The following MAGI2 variants were observed in gnomAD, a reference collection of about 807,000 sequenced individuals.
MAGI2 encodes membrane associated guanylate kinase, WW and PDZ domain containing 2, also known as membrane-associated guanylate kinase, WW and PDZ domain-containing protein 2.
In MAGI2, 35 loss-of-function variants were observed where a neutral mutation model predicts 133.3. The ratio of observed to expected loss-of-function variants is 0.26; its 90% confidence interval spans 0.20 to 0.35. The LOEUF is 0.35. Among genes scored for constraint, MAGI2 ranks in the 10% least tolerant of loss-of-function variants. The probability of loss-of-function intolerance (pLI) is 1.00; values close to 1 mark genes in which losing one functional copy is unlikely to be tolerated. For synonymous variants in MAGI2, 729 were observed against 710.6 expected, an observed-to-expected ratio of 1.03 and a Z score of -0.41; for missense variants, 1,636 against 1,863.4, an observed-to-expected ratio of 0.88 and a Z score of 2.25.
At chr7:78,957,390 A>G (rs1229738749) in intron 2 of MAGI2, among the ~76,000 whole-genome samples, 1 of 152,002 alleles carries the variant, frequency 6.6e-6, no homozygotes, top group Non-Finnish European at 1.5e-5. Context: ...TTTGGTTTGA[A>G]CTGAGCTTCT....
At chr7:78,903,535 T>G (rs1019810024) in intron 2 of MAGI2, among the ~76,000 whole-genome samples, 16 of 152,106 alleles carry the variant, frequency 1.1e-4, no homozygotes, top group Non-Finnish European at 1.6e-4. Flanking sequence ...GAAGGTACAT[T>G]TCCCACAATC....
chr7:78,857,166 G>A (rs544845497), intron 2 of MAGI2, among the ~76,000 whole-genome samples: 30 of 152,292 alleles, frequency 2.0e-4, no homozygotes, highest in Non-Finnish European at 2.9e-4. Context: ...AGACAATGGG[G>A]TTTTCTAAAT....
intron 1 of MAGI2, among the ~76,000 whole-genome samples, chr7:79,314,984 A>T (rs1318046961): frequency 6.6e-6 from 1 of 152,138 alleles, no homozygotes; most frequent in Middle Eastern, 3.2e-3. Flanking sequence ...CAATCCCTGG[A>T]CTGCTCTCTT....
intron 2 of MAGI2, among the ~76,000 whole-genome samples, chr7:78,863,592 G>A (rs1373798021): frequency 1.3e-5 from 2 of 152,210 alleles, no homozygotes; most frequent in African/African-American, 4.8e-5. Context: ...ACCTTGTGCA[G>A]TGGGGACCAA....
Position 78,030,992 on chromosome 7 carries a change from T to C in MAGI2, c.3707-11016A>G, listed in dbSNP as rs188166415. 2.6e-5 allele frequency among the ~76,000 whole-genome samples: 4 copies of C among 152,308 alleles called. No individual in the cohort carries two copies. In the East Asian group the frequency reaches 5.8e-4, roughly 22 times the overall value. On this transcript the variant is annotated intron_variant, in intron 21 of 21. Transcript: ENST00000354212. Reference sequence around the variant, plus strand: ...ACCAAAATGTCCATCAACTGGTGAATGGATAAGCACTCTGTGGTACAATGG... The same window carrying C: ...ACCAAAATGTCCATCAACTGGTGAACGGATAAGCACTCTGTGGTACAATGG...
chr7:79,266,358 G>A (rs1834457241), intron 1 of MAGI2, among the ~76,000 whole-genome samples: 1 of 151,520 alleles, frequency 6.6e-6, no homozygotes, highest in Admixed American at 6.6e-5. Context: ...TTTATCATGA[G>A]CTAAAGATAC....
At chr7:79,176,758 G>A (rs952462335) in intron 1 of MAGI2, among the ~76,000 whole-genome samples, 2 of 151,834 alleles carry the variant, frequency 1.3e-5, no homozygotes, top group African/African-American at 2.4e-5. Flanking sequence ...AATTTATTTT[G>A]TAATATCTTA....
At chr7:79,417,039 T>C (rs1846583537) in intron 1 of MAGI2, among the ~76,000 whole-genome samples, 1 of 151,996 alleles carries the variant, frequency 6.6e-6, no homozygotes, top group South Asian at 2.1e-4. Flanking sequence ...GCCTGTTCTT[T>C]CTACTTGTGC....
chr7:78,632,696 T>C (rs1010507263), intron 2 of MAGI2, among the ~76,000 whole-genome samples: 1 of 152,238 alleles, frequency 6.6e-6, no homozygotes, highest in Non-Finnish European at 1.5e-5. Flanking sequence ...CAATGACTGG[T>C]GTATGTGCAT....
chr7:78,195,124 T>A, intron 11 of MAGI2, 61 bp from the exon 12 acceptor site: 1 of 1,433,392 alleles, frequency 7.0e-7, no homozygotes, highest in African/African-American at 1.4e-5. Flanking sequence ...ATTTCTCTTG[T>A]CACCTTTAGG....
At chr7:78,871,289 G>T (rs1432088855) in intron 2 of MAGI2, among the ~76,000 whole-genome samples, 6 of 151,988 alleles carry the variant, frequency 3.9e-5, no homozygotes, top group Non-Finnish European at 7.4e-5. Context: ...CAGCCTGGGG[G>T]ACAGAGCGAG....
intron 2 of MAGI2, among the ~76,000 whole-genome samples, chr7:78,831,850 C>T (rs73137258): frequency 0.063 from 9,577 of 152,166 alleles, 379 homozygotes; most frequent in Middle Eastern, 0.11. Context: ...GAGTAAAACA[C>T]TTTAAACACT....
At chr7:78,860,326 T>A (rs1794049333) in intron 2 of MAGI2, among the ~76,000 whole-genome samples, 1 of 152,178 alleles carries the variant, frequency 6.6e-6, no homozygotes, top group Admixed American at 6.5e-5. Flanking sequence ...GCGCTCTGAT[T>A]TTTAGAATTT....
chr7:78,246,408 C>A (rs779776092), intron 10 of MAGI2, among the ~76,000 whole-genome samples: 1 of 152,064 alleles, frequency 6.6e-6, no homozygotes, highest in Non-Finnish European at 1.5e-5. Context: ...AGCTGAGCAG[C>A]CATGCATCCC....
intron 3 of MAGI2, among the ~76,000 whole-genome samples, chr7:78,573,239 T>A (rs1225594557): frequency 1.9e-5 from 1 of 53,558 alleles, no homozygotes; most frequent in African/African-American, 8.1e-5. Flanking sequence ...TATAAATATA[T>A]ATATATAAAT....
chr7:78,734,591 G>A (rs759247365), intron 2 of MAGI2, among the ~76,000 whole-genome samples: 76 of 152,144 alleles, frequency 5.0e-4, no homozygotes, highest in Admixed American at 5.2e-4. Context: ...TATGTGACCC[G>A]CTTCAGACAA....
chr7:78,986,986 T>C (rs1377502678), intron 2 of MAGI2, among the ~76,000 whole-genome samples: 1 of 151,638 alleles, frequency 6.6e-6, no homozygotes, highest in African/African-American at 2.4e-5. Context: ...CCTTCCAGGA[T>C]GGGGATTGCA....
intron 20 of MAGI2, among the ~76,000 whole-genome samples, chr7:78,088,581 A>G (rs146642327): frequency 2.0e-5 from 3 of 152,220 alleles, no homozygotes; most frequent in African/African-American, 4.8e-5. Context: ...TGCTGTTACC[A>G]CCTCTAGTCT....
intron 1 of MAGI2, among the ~76,000 whole-genome samples, chr7:79,402,779 T>C (rs1585852991): frequency 6.6e-6 from 1 of 152,130 alleles, no homozygotes; most frequent in African/African-American, 2.4e-5. Flanking sequence ...CTGGGCAACA[T>C]AGCAAGACCC....
Sources: allele counts gnomAD v4.1 joint callset (sites outside exome capture counted in the v4.1 genomes callset), GRCh38; gene constraint gnomAD v4.1.1; transcripts MANE v1.5; gene names NCBI Gene and HGNC (gene_info 2026-07-23, HGNC 2026-07-21).